The following CCDC43 variants were observed in gnomAD, a reference collection of about 807,000 sequenced individuals.
CCDC43 encodes the protein coiled-coil domain containing 43, also known as coiled-coil domain-containing protein 43.
CCDC43 carries 20 observed loss-of-function variants against 33.3 expected under a neutral mutation model. That is an observed-to-expected ratio of 0.60 (90% confidence interval 0.42 to 0.87). The LOEUF (loss-of-function observed/expected upper bound fraction) is 0.87. Ranked by LOEUF, CCDC43 falls within the 40% of genes least tolerant of loss-of-function variation. The pLI is 0.00. For synonymous variants in CCDC43, 104 were observed against 106.5 expected, an observed-to-expected ratio of 0.98 and a Z score of 0.14; for missense variants, 248 against 269.9, an observed-to-expected ratio of 0.92 and a Z score of 0.57.
Position 44,689,746 on chromosome 17 carries a change from G to A in CCDC43, c.8C>T (p.Ala3Val), listed in dbSNP as rs1225202444. The change falls in exon 1 of 5, where the codon GCG (alanine) becomes GTG (valine). Residue 3 changes from alanine to valine, a missense_variant. Ala to Val is a moderately conservative substitution (Grantham distance 64, BLOSUM62 0). Coordinates refer to ENST00000315286, the MANE Select transcript of CCDC43 (RefSeq NM_144609.3). MAAPSEVAAIAPG... is the reference protein window; with the variant it reads MAVPSEVAAIAPG... ...GGCTATCGCGGCCACTTCGCTGGGC[G>A]CCGCCATCTTGGGGTCAGGGTCCTG... 2 of 1,557,298 alleles carry A rather than the reference G, an allele frequency of 1.3e-6. No individual in the cohort carries two copies. The highest frequency in any genetic ancestry group is 1.2e-5 in the South Asian group (1 of 85,062).
Position 44,678,930 on chromosome 17 carries a change from T to C in CCDC43, c.601A>G (p.Arg201Gly), listed in dbSNP as rs1568138485. 1.2e-6 allele frequency: 2 copies of C among 1,613,892 alleles called. No individual in the cohort carries two copies. The highest frequency in any genetic ancestry group is 1.7e-6 in the Non-Finnish European group (2 of 1,179,856). ...KKEQDKLQRE[R>G]DKLAKQERKE... ...CGCTCCTGCTTGGCTAGTTTGTCTC[T>C]CTCCCTCTGCAGCTTGTCCTGTTCC... The change falls in exon 5 of 5, where the codon AGA becomes GGA. Residue 201 changes from arginine (R) to glycine (G), a missense_variant. Transcript: ENST00000315286.
At chr17:44,681,508 T>C (rs1487522435) in intron 3 of CCDC43, among the ~76,000 whole-genome samples, 1 of 152,152 alleles carries the variant, frequency 6.6e-6, no homozygotes, top group East Asian at 1.9e-4. Flanking sequence ...AAAGAAAAGA[T>C]GCAAGCTGCT....
chr17:44,682,101 C>T lies in CCDC43; in HGVS notation c.330G>A (p.Gln110=). 1 of 1,613,994 alleles carries T rather than the reference C, an allele frequency of 6.2e-7. No individual in the cohort carries two copies. Among genetic ancestry groups the T allele is most frequent in the Non-Finnish European group, 8.5e-7 (1 of 1,179,888 alleles). Residue 110 remains glutamine, a synonymous_variant, in exon 3 of 5, where the codon CAG becomes CAA. Coordinates refer to ENST00000315286, the MANE Select transcript of CCDC43 (RefSeq NM_144609.3). ...VQAIATLIEK[Q]AQIVVKPRMV... is the part of the protein sequence containing the mutation. Reference sequence around the variant, plus strand: ...TCCTTGGCTTTACTACGATTTGTGCCTGCTTCTCAATTAGGGTGGCAATGG... The same window carrying T: ...TCCTTGGCTTTACTACGATTTGTGCTTGCTTCTCAATTAGGGTGGCAATGG...
At chr17:44,682,391 TAAAAAAAAAAA>T (rs67280453) in intron 2 of CCDC43, among the ~76,000 whole-genome samples, 1 of 101,000 alleles carries the variant, frequency 9.9e-6, no homozygotes, top group Non-Finnish European at 1.9e-5. Context: ...TCTGCTGCCT[TAAAAAAAAAAA>T]AAAAAAAAAA....
Position 44,679,033 on chromosome 17 carries a change from T to C in CCDC43, c.498A>G (p.Arg166=). ...TAAGGACATCTTCCACATTGGTGTT[T>C]CGGAACAGAACTACAGGTGAGTTAA... ...MNIGSDKLLF[R]NTNVEDVLNA... Residue 166 remains arginine (R), a synonymous_variant, in exon 5 of 5, where the codon CGA becomes CGG. Transcript: ENST00000315286. 6.2e-7 allele frequency: 1 copy of C among 1,613,604 alleles called. No homozygotes were observed. Among genetic ancestry groups the C allele is most frequent in the Non-Finnish European group, 8.5e-7 (1 of 1,179,756 alleles).
chr17:44,683,170 C>T (rs550728681), intron 2 of CCDC43, among the ~76,000 whole-genome samples: 1 of 152,236 alleles, frequency 6.6e-6, no homozygotes, highest in South Asian at 2.1e-4. Context: ...ATTTCTCTTC[C>T]ATTTTAAAGG....
rs200562682 is a variant in CCDC43, at chr17:44,689,651, C to G, written c.103G>C (p.Val35Leu). Residue 35 changes from valine (V) to leucine (L), a missense_variant, in exon 1 of 5, where the codon GTG (valine) becomes CTG (leucine). Coordinates refer to ENST00000315286, the MANE Select transcript of CCDC43 (RefSeq NM_144609.3). ...WLDGRLEALG[V>L]DRAVYGAYIL... Reference sequence around the variant, plus strand: ...TAGGCTCCATAAACGGCTCGGTCCACTCCCAGTGCCTCCAACCGTCCGTCC... The same window carrying G: ...TAGGCTCCATAAACGGCTCGGTCCAGTCCCAGTGCCTCCAACCGTCCGTCC... 6.2e-6 allele frequency: 10 copies of G among 1,613,680 alleles called. No homozygotes were observed. Among genetic ancestry groups the G allele is most frequent in the Non-Finnish European group, 7.6e-6 (9 of 1,179,834 alleles).
chr17:44,688,120 T>G (rs1188016251), intron 1 of CCDC43: 3 of 152,156 alleles, frequency 2.0e-5, no homozygotes, highest in African/African-American at 7.2e-5. Flanking sequence ...AAATGAGATA[T>G]GAATATGTAC....
At chr17:44,680,051 C>G (rs543260644) in intron 4 of CCDC43, among the ~76,000 whole-genome samples, 2 of 152,060 alleles carry the variant, frequency 1.3e-5, no homozygotes, top group African/African-American at 2.4e-5. Context: ...GATCTCGGCT[C>G]ACTGCAGCCT....
chr17:44,682,684 C>T (rs898934841), intron 2 of CCDC43, among the ~76,000 whole-genome samples: 4 of 152,032 alleles, frequency 2.6e-5, no homozygotes, highest in African/African-American at 9.7e-5. Flanking sequence ...AGTGAAACCC[C>T]GTCTCTACTA....
At chr17:44,686,867 A>G (rs1238914866) in intron 1 of CCDC43, among the ~76,000 whole-genome samples, 1 of 152,210 alleles carries the variant, frequency 6.6e-6, no homozygotes, top group African/African-American at 2.4e-5. Context: ...CAATCAACCA[A>G]TGCAAGTACT....
chr17:44,689,445 G>A (rs1244990705), intron 1 of CCDC43, 105 bp downstream of exon 1: 4 of 1,498,402 alleles, frequency 2.7e-6, no homozygotes, highest in Non-Finnish European at 3.6e-6. Context: ...TCCCAGGTGA[G>A]ACCACTGAGC....
At chr17:44,689,492 T>C in intron 1 of CCDC43, 58 bp downstream of exon 1, 1 of 1,608,924 alleles carries the variant, frequency 6.2e-7, no homozygotes, top group Non-Finnish European at 8.5e-7. Context: ...GGGTGCAAAG[T>C]ACTGACAGGT....
At chr17:44,685,279 A>G (rs937278845) in intron 1 of CCDC43, among the ~76,000 whole-genome samples, 3 of 152,208 alleles carry the variant, frequency 2.0e-5, no homozygotes, top group African/African-American at 7.2e-5. Context: ...GACGTATACA[A>G]TTCAGAACCT....
intron 1 of CCDC43, among the ~76,000 whole-genome samples, chr17:44,686,650 A>G (rs1453281659): frequency 6.6e-6 from 1 of 152,200 alleles, no homozygotes; most frequent in African/African-American, 2.4e-5. Context: ...AGGCACTAAG[A>G]GGAAAGTTTA....
chr17:44,685,249 CT>C (rs1248492248), intron 1 of CCDC43, among the ~76,000 whole-genome samples: 1 of 152,194 alleles, frequency 6.6e-6, no homozygotes, highest in Non-Finnish European at 1.5e-5. Context: ...CAAAACTCCT[CT>C]GTGAAATATT....
chr17:44,682,634 G>A (rs1051510314), intron 2 of CCDC43, among the ~76,000 whole-genome samples: 7 of 152,150 alleles, frequency 4.6e-5, no homozygotes, highest in Non-Finnish European at 7.3e-5. Context: ...AAGGCAGGTG[G>A]ATCATGAGGT....
At chr17:44,681,555 G>T (rs1392812727) in intron 3 of CCDC43, among the ~76,000 whole-genome samples, 2 of 152,136 alleles carry the variant, frequency 1.3e-5, no homozygotes, top group Non-Finnish European at 1.5e-5. Flanking sequence ...AAATACCCAG[G>T]TTCTAGTCCT....
At position 44,678,185 on chromosome 17, in the gene CCDC43, A is replaced by G. The variant is rs1972103733; in HGVS notation, c.*671T>C. On this transcript the variant is annotated 3_prime_UTR_variant, in exon 5 of 5. Transcript: ENST00000315286. ...TGATTATACAAAATGAATCTAGCCA[A>G]CAATGATATCCTTGCACCCAATAGT... is the stretch of plus-strand genomic sequence containing the variant. The G allele has an allele frequency of 6.6e-6, 1 of 152,564 alleles. No individual in the cohort carries two copies. The highest frequency in any genetic ancestry group is 6.5e-5 in the Admixed American group (1 of 15,272). The allele number at this position is 152,564 out of a possible 1,614,324, so 9.5% of individuals were successfully genotyped here.
Sources: allele counts gnomAD v4.1 joint callset (sites outside exome capture counted in the v4.1 genomes callset), GRCh38; gene constraint gnomAD v4.1.1; transcripts MANE v1.5; gene names NCBI Gene and HGNC (gene_info 2026-07-23, HGNC 2026-07-21).